The following MANBAL variants were observed in gnomAD, a reference collection of about 807,000 sequenced individuals.
The protein encoded by MANBAL is mannosidase beta like, also known as protein MANBAL.
In MANBAL, 1 loss-of-function variant was observed where a neutral mutation model predicts 6.4. The ratio of observed to expected loss-of-function variants is 0.16; its 90% CI spans 0.06 to 0.74. The LOEUF is 0.74. Ranked by LOEUF, MANBAL falls within the 30% of genes least tolerant of loss-of-function variation. MANBAL has a pLI of 0.78. For missense variants in MANBAL, 100 were observed against 107.8 expected, an observed-to-expected ratio of 0.93 and a Z score of 0.32; for synonymous variants, 47 against 45.8, an observed-to-expected ratio of 1.03 and a Z score of -0.10.
intron 1 of MANBAL, among the ~76,000 whole-genome samples, chr20:37,291,015 C>G (rs1375062200): frequency 1.3e-5 from 2 of 152,180 alleles, no homozygotes; most frequent in African/African-American, 2.4e-5. Flanking sequence ...AATGGCCTAC[C>G]AGCACAGTAC....
At chr20:37,311,025 C>T (rs894925998) in intron 2 of MANBAL, among the ~76,000 whole-genome samples, 6 of 152,210 alleles carry the variant, frequency 3.9e-5, no homozygotes, top group Admixed American at 1.3e-4. Context: ...ATGTGGGTCA[C>T]GGCCGCCTTT....
At chr20:37,302,464 A>T (rs1394076410) in intron 2 of MANBAL, 21 of 1,042,514 alleles carry the variant, frequency 2.0e-5, no homozygotes, top group Non-Finnish European at 2.9e-5. Flanking sequence ...TCCATTATAA[A>T]AATCCGGTCA....
At chr20:37,291,276 A>G (rs867667645) in intron 1 of MANBAL, among the ~76,000 whole-genome samples, 11 of 152,070 alleles carry the variant, frequency 7.2e-5, no homozygotes, top group South Asian at 4.1e-4. Flanking sequence ...CCCTATTACT[A>G]ATATCTGAAA....
intron 1 of MANBAL, among the ~76,000 whole-genome samples, chr20:37,300,752 TTGAC>T (rs1405783230): frequency 2.6e-5 from 4 of 152,242 alleles, no homozygotes; most frequent in South Asian, 2.1e-4. Flanking sequence ...GAATGGTTCA[TTGAC>T]TGACCATATG....
chr20:37,299,358 C>T (rs1263421155), intron 1 of MANBAL, among the ~76,000 whole-genome samples: 3 of 152,102 alleles, frequency 2.0e-5, no homozygotes, highest in East Asian at 1.9e-4. Context: ...AGATTATAGG[C>T]GTGAGCCACT....
rs545738733 is a variant in MANBAL, at chr20:37,294,555, C to T, written c.-57+4869C>T. Reference sequence around the variant, plus strand: ...GCTTGCTTACTTGACTGTTCTTGATCATGATGCTTATTCCTGCCTCAGGGA... The same window carrying T: ...GCTTGCTTACTTGACTGTTCTTGATTATGATGCTTATTCCTGCCTCAGGGA... On this transcript the variant is annotated intron_variant, in intron 1 of 2. Coordinates refer to ENST00000373606, the MANE Select transcript of MANBAL (RefSeq NM_001003897.2). 2.4e-4 allele frequency among the ~76,000 whole-genome samples: 36 copies of T among 152,392 alleles called. No homozygotes were observed. In the South Asian group the frequency reaches 7.2e-3, roughly 31 times the overall value.
intron 1 of MANBAL, among the ~76,000 whole-genome samples, chr20:37,290,476 T>G (rs2068841645): frequency 1.3e-5 from 2 of 152,138 alleles, no homozygotes; most frequent in South Asian, 4.1e-4. Context: ...ATTTATTTAT[T>G]TAGAGACGGA....
At chr20:37,292,126 G>A (rs183768326) in intron 1 of MANBAL, among the ~76,000 whole-genome samples, 3 of 152,180 alleles carry the variant, frequency 2.0e-5, no homozygotes, top group Non-Finnish European at 2.9e-5. Flanking sequence ...TGCACTTTCC[G>A]CACTGTACTT....
chr20:37,296,813 C>T (rs534094166), intron 1 of MANBAL: 4 of 152,228 alleles, frequency 2.6e-5, no homozygotes, highest in Admixed American at 2.6e-4. Context: ...ATCATTGTTG[C>T]TTGGCTCATG....
intron 2 of MANBAL, among the ~76,000 whole-genome samples, chr20:37,312,283 C>T (rs977899612): frequency 6.6e-6 from 1 of 152,136 alleles, no homozygotes. Flanking sequence ...GTAGGTGACC[C>T]ATTGACAGAT....
chr20:37,314,858 C>A (rs1167209056), intron 2 of MANBAL, among the ~76,000 whole-genome samples: 1 of 152,178 alleles, frequency 6.6e-6, no homozygotes, highest in Non-Finnish European at 1.5e-5. Flanking sequence ...GGGCCCTCCT[C>A]TTCTGTAGGG....
At chr20:37,292,466 T>C (rs1392757582) in intron 1 of MANBAL, among the ~76,000 whole-genome samples, 2 of 152,158 alleles carry the variant, frequency 1.3e-5, no homozygotes, top group Non-Finnish European at 2.9e-5. Context: ...CATGGCTGGC[T>C]AATTTTTGTA....
In MANBAL at chr20:37,316,484, T is replaced by C; in HGVS notation, c.*69T>C. The stretch of plus-strand genomic sequence containing the variant: ...GGGACAGCCCTCCTGGGAATCTACA[T>C]TGTGTTCCCCCGCATTCCAGGCTCA... On this transcript the variant is annotated 3_prime_UTR_variant, in exon 3 of 3. Transcript: ENST00000373606. 5 of 1,375,036 alleles carry C rather than the reference T, an allele frequency of 3.6e-6. No homozygotes were observed. The highest frequency in any genetic ancestry group is 5.1e-6 in the Non-Finnish European group (5 of 988,158). The allele number at this position is 1,375,036 out of a possible 1,614,324, so 85.2% of individuals were successfully genotyped here. A position where few individuals can be genotyped will look rare whatever the true frequency, so the allele number is the denominator to read the frequency against.
chr20:37,308,849 T>TA (rs2069318054), intron 2 of MANBAL, among the ~76,000 whole-genome samples: 1 of 152,238 alleles, frequency 6.6e-6, no homozygotes, highest in African/African-American at 2.4e-5. Flanking sequence ...TAGTCAGTCA[T>TA]ACACGGTAGT....
chr20:37,309,503 C>T (rs1389381811), intron 2 of MANBAL, among the ~76,000 whole-genome samples: 1 of 152,186 alleles, frequency 6.6e-6, no homozygotes, highest in Non-Finnish European at 1.5e-5. Context: ...AGACAGACAG[C>T]CGGTGGCCAG....
chr20:37,295,420 G>A (rs940245512), intron 1 of MANBAL, among the ~76,000 whole-genome samples: 2 of 152,194 alleles, frequency 1.3e-5, no homozygotes, highest in Admixed American at 1.3e-4. Flanking sequence ...AAAAGCTTCA[G>A]GATATAATAC....
At chr20:37,298,426 A>T (rs555970398) in intron 1 of MANBAL, among the ~76,000 whole-genome samples, 1 of 152,092 alleles carries the variant, frequency 6.6e-6, no homozygotes, top group African/African-American at 2.4e-5. Flanking sequence ...GGTAACCTCA[A>T]TTCTACTTTC....
chr20:37,298,049 A>G (rs976504636), intron 1 of MANBAL, among the ~76,000 whole-genome samples: 1 of 152,128 alleles, frequency 6.6e-6, no homozygotes. Flanking sequence ...AAAAAGCAAA[A>G]AGGGATGATG....
rs372805445 is a variant in MANBAL at position 37,301,272 on chromosome 20, T to A, written c.9T>A (p.Ser3=). 29 of 1,598,266 alleles carry A rather than the reference T, an allele frequency of 1.8e-5. No individual in the cohort carries two copies. Among genetic ancestry groups the A allele is most frequent in the Non-Finnish European group, 2.4e-5 (28 of 1,170,192 alleles). MA[S]DLDFSPPEVP... ...AGCAAGCGACTTGGGCCATGGCCTC[T>A]GACCTAGACTTCTCACCTCCGGAGG... Residue 3 remains serine, a synonymous_variant, in exon 2 of 3, where the codon TCT becomes TCA. Transcript: ENST00000373606.
Sources: gnomAD v4.1 joint callset for allele counts (sites outside exome capture counted in the v4.1 genomes callset) on GRCh38, gnomAD v4.1.1 for gene constraint, MANE v1.5 for transcripts, NCBI Gene and HGNC (gene_info 2026-07-23, HGNC 2026-07-21) for gene names.